MCTP1: variants seen among roughly 807,000 people sequenced by gnomAD.
MCTP1 encodes the protein multiple C2 and transmembrane domain containing 1.
A neutral mutation model predicts 120.6 loss-of-function variants in MCTP1; 69 were observed. The observed-to-expected ratio is 0.57, with a 90% CI of 0.47 to 0.70. MCTP1 has a LOEUF of 0.70. MCTP1 is among the 30% of genes least tolerant of loss of function. The pLI is 0.00. For missense variants in MCTP1, 1,203 were observed against 1,248.8 expected (o/e 0.96, Z 0.55); for synonymous variants, 529 against 493.1 (o/e 1.07, Z -0.96).
chr5:94,825,537 C>T (rs1024491778), intron 17 of MCTP1, among the ~76,000 whole-genome samples: 26 of 152,114 alleles, frequency 1.7e-4, no homozygotes, highest in Admixed American at 7.2e-4. Context: ...GTGGAGAGTT[C>T]TGTGGGTGTC....
chr5:94,713,448 C>G lies in MCTP1; in HGVS notation c.2720+1329G>C, dbSNP rs1757827923. Among the ~76,000 whole-genome samples the G allele has an allele frequency of 2.0e-5, 3 of 152,126 alleles. No homozygotes were observed. In the South Asian group the frequency reaches 6.2e-4, roughly 32 times the overall value. On this transcript the variant is annotated intron_variant, in intron 20 of 22. Coordinates refer to ENST00000515393, the MANE Select transcript of MCTP1 (RefSeq NM_024717.7). Reference sequence around the variant, plus strand: ...TAGAGTTACAAAGGAGTTTCTTCCTCTCAGGCATTCACTGCCTGATCCATG... The same window carrying G: ...TAGAGTTACAAAGGAGTTTCTTCCTGTCAGGCATTCACTGCCTGATCCATG...
chr5:94,967,083 A>C (rs996180472), intron 2 of MCTP1, among the ~76,000 whole-genome samples: 1 of 152,152 alleles, frequency 6.6e-6, no homozygotes, highest in Non-Finnish European at 1.5e-5. Flanking sequence ...TACTGATACA[A>C]CTTTTAGTAA....
chr5:95,167,806 A>T (rs1413062181), intron 1 of MCTP1, among the ~76,000 whole-genome samples: 2 of 152,216 alleles, frequency 1.3e-5, no homozygotes, highest in Non-Finnish European at 2.9e-5. Context: ...GCCCTTTGTC[A>T]GATGAGTAGA....
At chr5:95,269,268 G>C (rs530159026) in intron 1 of MCTP1, among the ~76,000 whole-genome samples, 1 of 152,202 alleles carries the variant, frequency 6.6e-6, no homozygotes, top group East Asian at 1.9e-4. Context: ...CCTTGTTAAA[G>C]GAATATACCC....
At chr5:95,135,858 C>G (rs1182752453) in intron 1 of MCTP1, among the ~76,000 whole-genome samples, 4 of 152,122 alleles carry the variant, frequency 2.6e-5, no homozygotes, top group Non-Finnish European at 5.9e-5. Flanking sequence ...TATTTTGGTT[C>G]AATAAACTGA....
chr5:94,863,066 T>C (rs60312288), intron 17 of MCTP1, among the ~76,000 whole-genome samples: 1,934 of 151,924 alleles, frequency 0.013, 30 homozygotes, highest in African/African-American at 0.043. Flanking sequence ...TAAATCTGTA[T>C]AGATTAAATT....
chr5:95,014,785 T>C (rs932439793), intron 2 of MCTP1, among the ~76,000 whole-genome samples: 2 of 152,150 alleles, frequency 1.3e-5, no homozygotes, highest in Admixed American at 1.3e-4. Context: ...TTTTGAAAGA[T>C]GCTCTACTGT....
At chr5:94,739,554 C>CAA (rs1156396550) in intron 19 of MCTP1, 2 of 152,190 alleles carry the variant, frequency 1.3e-5, no homozygotes, top group Non-Finnish European at 2.9e-5. Context: ...AAGGAGTGCC[C>CAA]AAACCCAGCC....
At chr5:94,948,475 A>G (rs576082650) in intron 3 of MCTP1, among the ~76,000 whole-genome samples, 1 of 152,118 alleles carries the variant, frequency 6.6e-6, no homozygotes, top group African/African-American at 2.4e-5. Context: ...TTTTGGGTCC[A>G]AAATAGTGGA....
In MCTP1 at chr5:94,752,108, A is replaced by AATATATATATATATATATATATAT. The variant is rs146434254; in HGVS notation, c.2610+26978_2610+27001dup. Among the ~76,000 whole-genome samples the AATATATATATATATATATATATAT allele has an allele frequency of 3.6e-3, 272 of 75,694 alleles. 10 individuals carry two copies. The highest frequency in any genetic ancestry group is 4.9e-3 in the Non-Finnish European group (155 of 31,870). 49.7% of individuals were successfully genotyped at this position (75,694 alleles called of 152,430 possible). A position where few individuals can be genotyped will look rare whatever the true frequency, so the allele number is the denominator to read the frequency against. On this transcript the variant is annotated intron_variant, in intron 19 of 22. Transcript: ENST00000515393. ...ATGTACCCTAAAACTTAAATAATAA[A>AATATATATATATATATATATATAT]ATATATATATATATATATATATATA...
intron 1 of MCTP1, among the ~76,000 whole-genome samples, chr5:95,037,539 T>C (rs1349644826): frequency 1.3e-5 from 2 of 152,178 alleles, no homozygotes; most frequent in Non-Finnish European, 2.9e-5. Flanking sequence ...ATGTGTAGTA[T>C]ATATTGGTCT....
intron 2 of MCTP1, among the ~76,000 whole-genome samples, chr5:95,005,766 C>A (rs1040322525): frequency 1.9e-4 from 4 of 20,534 alleles, no homozygotes; most frequent in African/African-American, 2.5e-4. Context: ...TCTTTTCTTT[C>A]TTTATTTTTT....
intron 9 of MCTP1, among the ~76,000 whole-genome samples, chr5:94,910,560 G>A (rs1808285484): frequency 1.3e-5 from 2 of 152,062 alleles, no homozygotes; most frequent in Non-Finnish European, 2.9e-5. Flanking sequence ...TAATGCAAAT[G>A]AATCACAATT....
At chr5:95,281,487 T>A (rs1760311126) in intron 1 of MCTP1, among the ~76,000 whole-genome samples, 1 of 152,142 alleles carries the variant, frequency 6.6e-6, no homozygotes, top group Admixed American at 6.5e-5. Flanking sequence ...CAGAGAAATC[T>A]CTCCACTTCC....
chr5:94,771,353 T>C (rs915223444), intron 19 of MCTP1, among the ~76,000 whole-genome samples: 1 of 152,148 alleles, frequency 6.6e-6, no homozygotes, highest in African/African-American at 2.4e-5. Context: ...GTGACTTAAA[T>C]AAGACTAAAA....
chr5:94,708,312 C>T (rs1755396977), intron 22 of MCTP1, 200 bp downstream of exon 22: 1 of 418,302 alleles, frequency 2.4e-6, no homozygotes, highest in East Asian at 3.8e-5. Context: ...TGCAACTGCT[C>T]TTTCTCCCAT....
chr5:95,230,069 A>C (rs1048973041), intron 1 of MCTP1, among the ~76,000 whole-genome samples: 5 of 152,230 alleles, frequency 3.3e-5, no homozygotes, highest in African/African-American at 4.8e-5. Flanking sequence ...GGCTTGCAGA[A>C]TATAATAAAG....
chr5:95,135,299 T>A (rs1173896024), intron 1 of MCTP1, among the ~76,000 whole-genome samples: 2 of 152,096 alleles, frequency 1.3e-5, no homozygotes, highest in African/African-American at 4.8e-5. Flanking sequence ...AAATATACAC[T>A]ATGGTGGTGA....
intron 1 of MCTP1, among the ~76,000 whole-genome samples, chr5:95,057,664 T>C (rs1022295438): frequency 1.3e-5 from 2 of 152,198 alleles, no homozygotes; most frequent in African/African-American, 2.4e-5. Context: ...AGGAATAGTC[T>C]CCCTTTATAA....
Sources: allele counts gnomAD v4.1 joint callset (sites outside exome capture counted in the v4.1 genomes callset), GRCh38; gene constraint gnomAD v4.1.1; transcripts MANE v1.5; gene names NCBI Gene and HGNC (gene_info 2026-07-23, HGNC 2026-07-21).